PTPRD: variants seen among roughly 807,000 people sequenced by gnomAD.
The protein encoded by PTPRD is receptor-type tyrosine-protein phosphatase delta.
Under a neutral mutation model 214.5 loss-of-function variants are expected in PTPRD, and 34 were observed. The observed-to-expected ratio is 0.16, with a 90% CI of 0.12 to 0.21. PTPRD has a LOEUF of 0.21. PTPRD is among the 10% of genes least tolerant of loss of function. The pLI is 1.00. For synonymous variants in PTPRD, 1,128 were observed against 845.7 expected, an observed-to-expected ratio of 1.33 and a Z score of -5.79; for missense variants, 2,545 against 2,398.7, an observed-to-expected ratio of 1.06 and a Z score of -1.27.
chr9:10,316,288 A>G (rs1249236343), intron 3 of PTPRD, among the ~76,000 whole-genome samples: 1 of 151,600 alleles, frequency 6.6e-6, no homozygotes, highest in African/African-American at 2.4e-5. Context: ...AATTTAGCAT[A>G]TTGTCCTCTA....
At chr9:9,645,462 T>C (rs1343854168) in intron 7 of PTPRD, among the ~76,000 whole-genome samples, 1 of 140,006 alleles carries the variant, frequency 7.1e-6, no homozygotes, top group African/African-American at 3.0e-5. Flanking sequence ...TATATGTATA[T>C]ATATATATAT....
Position 8,742,114 on chromosome 9 carries a change from CATT to C in PTPRD, c.-103-8171_-103-8169del, listed in dbSNP as rs144730900. ...AACCTATATACATCAAGCTATAAGA[CATT>C]AGTTATGACCAATAAACTAATATGT... On this transcript the variant is annotated intron_variant, in intron 11 of 45. Transcript: ENST00000381196. 1.7e-3 allele frequency among the ~76,000 whole-genome samples: 262 copies of C among 152,188 alleles called. 1 individual carries two copies. Among genetic ancestry groups the C allele is most frequent in the African/African-American group, 5.9e-3 (246 of 41,532 alleles).
At position 9,312,432 on chromosome 9, in the gene PTPRD, ATCT is replaced by A. The variant is rs367822311; in HGVS notation, c.-203+85014_-203+85016del. Among the ~76,000 whole-genome samples the A allele has an allele frequency of 3.3e-3, 503 of 152,260 alleles. 3 individuals are homozygous for A. Among genetic ancestry groups the A allele is most frequent in the African/African-American group, 0.012 (480 of 41,558 alleles). Reference sequence around the variant, plus strand: ...GAATAACATCATTTTGTTCAACATCATCTTCTTTTAATGTAGAAGAGAAAAAAA... The same window carrying A: ...GAATAACATCATTTTGTTCAACATCATCTTTTAATGTAGAAGAGAAAAAAA... On this transcript the variant is annotated intron_variant, in intron 9 of 45. Coordinates refer to ENST00000381196, the MANE Select transcript of PTPRD (RefSeq NM_002839.4).
chr9:9,972,859 T>C (rs1043430123), intron 4 of PTPRD, among the ~76,000 whole-genome samples: 4 of 152,290 alleles, frequency 2.6e-5, no homozygotes, highest in African/African-American at 9.6e-5. Flanking sequence ...AGGAGCCTTC[T>C]GATTACATTT....
rs10977473 is a variant in PTPRD, at chr9:9,070,102, C to G, written c.-142-51367G>C. ...CAAGTGTCAGCAGAGCTTAGGAGAACAGCTGAGCTTCATAACTCTTAGCAT... is the reference window on the plus strand; with the variant it reads ...CAAGTGTCAGCAGAGCTTAGGAGAAGAGCTGAGCTTCATAACTCTTAGCAT... On this transcript the variant is annotated intron_variant, in intron 10 of 45. Transcript: ENST00000381196. Among the ~76,000 whole-genome samples the G allele has an allele frequency of 6.1e-3, 922 of 152,242 alleles. 16 individuals are homozygous for G. Among genetic ancestry groups the G allele is most frequent in the African/African-American group, 0.021 (871 of 41,536 alleles).
chr9:8,563,161 A>G (rs2087151386), intron 14 of PTPRD, among the ~76,000 whole-genome samples: 1 of 152,198 alleles, frequency 6.6e-6, no homozygotes, highest in Non-Finnish European at 1.5e-5. Flanking sequence ...TCCCATTTAT[A>G]TAAAAGTCTA....
At chr9:9,280,889 T>G (rs1377477990) in intron 9 of PTPRD, among the ~76,000 whole-genome samples, 2 of 151,080 alleles carry the variant, frequency 1.3e-5, no homozygotes, top group Non-Finnish European at 3.0e-5. Flanking sequence ...AAGCTAGTTA[T>G]CAAGACAGTG....
At chr9:9,227,940 T>C (rs989686994) in intron 9 of PTPRD, among the ~76,000 whole-genome samples, 3 of 152,098 alleles carry the variant, frequency 2.0e-5, no homozygotes, top group African/African-American at 7.2e-5. Flanking sequence ...GATGAGATAA[T>C]ATTTTGGTGG....
chr9:9,689,738 A>G (rs950161968), intron 7 of PTPRD, among the ~76,000 whole-genome samples: 2 of 151,718 alleles, frequency 1.3e-5, no homozygotes, highest in African/African-American at 4.8e-5. Flanking sequence ...AGAGTACAAT[A>G]TTTGTCTTTT....
intron 3 of PTPRD, among the ~76,000 whole-genome samples, chr9:10,304,304 T>C (rs888944933): frequency 6.6e-6 from 1 of 152,158 alleles, no homozygotes; most frequent in African/African-American, 2.4e-5. Flanking sequence ...ACAGTCAATA[T>C]CATACAGAAT....
intron 11 of PTPRD, among the ~76,000 whole-genome samples, chr9:8,943,914 T>G (rs994961321): frequency 4.0e-5 from 6 of 151,730 alleles, no homozygotes; most frequent in Admixed American, 1.3e-4. Flanking sequence ...TCACATCACA[T>G]TAAAAAGCTT....
At chr9:9,769,041 A>C (rs1036950291) in intron 5 of PTPRD, among the ~76,000 whole-genome samples, 1 of 152,174 alleles carries the variant, frequency 6.6e-6, no homozygotes, top group Admixed American at 6.5e-5. Flanking sequence ...CATATTTACT[A>C]TTTAAGATTG....
chr9:9,497,895 A>G (rs908183381), intron 8 of PTPRD, among the ~76,000 whole-genome samples: 1 of 152,168 alleles, frequency 6.6e-6, no homozygotes, highest in African/African-American at 2.4e-5. Flanking sequence ...GAATCTTCAC[A>G]TATCAGGGCC....
At chr9:8,651,360 G>C (rs992644586) in intron 12 of PTPRD, among the ~76,000 whole-genome samples, 3 of 152,102 alleles carry the variant, frequency 2.0e-5, no homozygotes, top group Non-Finnish European at 1.5e-5. Context: ...AGCAAGCAGT[G>C]ATAATAATAG....
At chr9:9,413,831 T>C (rs995347287) in intron 8 of PTPRD, among the ~76,000 whole-genome samples, 2 of 152,332 alleles carry the variant, frequency 1.3e-5, no homozygotes, top group Non-Finnish European at 2.9e-5. Context: ...GTCTGCCACA[T>C]GACAGTCACT....
chr9:8,746,300 T>C (rs1188021542), intron 11 of PTPRD, among the ~76,000 whole-genome samples: 1 of 152,094 alleles, frequency 6.6e-6, no homozygotes, highest in African/African-American at 2.4e-5. Context: ...AGATACACAA[T>C]GGTTATTTTT....
At chr9:9,250,769 A>T (rs535174100) in intron 9 of PTPRD, among the ~76,000 whole-genome samples, 8 of 152,090 alleles carry the variant, frequency 5.3e-5, no homozygotes, top group Non-Finnish European at 8.8e-5. Flanking sequence ...CCAAAAAAGA[A>T]ATATCAACAA....
At chr9:10,256,181 A>C (rs2093258567) in intron 3 of PTPRD, among the ~76,000 whole-genome samples, 1 of 152,160 alleles carries the variant, frequency 6.6e-6, no homozygotes, top group African/African-American at 2.4e-5. Context: ...TTTGTGGAAA[A>C]ATTGTATTCC....
rs1591304883 is a variant in PTPRD at position 8,467,265 on chromosome 9, A to C, written c.3505-1590T>G. Among the ~76,000 whole-genome samples the C allele has an allele frequency of 2.0e-5, 3 of 152,044 alleles. No individual in the cohort carries two copies. The South Asian group carries it at 6.2e-4, about 31-fold the overall frequency. The stretch of plus-strand genomic sequence containing the variant: ...GGACCATCCCATAATAAATTCAGTT[A>C]TGCTGATCAATTATGCACCAATTGG... On this transcript the variant is annotated intron_variant, in intron 31 of 45. Transcript: ENST00000381196.
Sources: gnomAD v4.1 joint callset for allele counts (sites outside exome capture counted in the v4.1 genomes callset) on GRCh38, gnomAD v4.1.1 for gene constraint, MANE v1.5 for transcripts, NCBI Gene and HGNC (gene_info 2026-07-23, HGNC 2026-07-21) for gene names.